SEMA5A: variants seen among roughly 807,000 people sequenced by gnomAD.
SEMA5A encodes semaphorin 5A, also known as semaphorin-5A.
In SEMA5A, 55 loss-of-function variants were observed where a neutral mutation model predicts 135.5. The ratio of observed to expected loss-of-function variants is 0.41; its 90% CI spans 0.33 to 0.51. SEMA5A has a LOEUF of 0.51. SEMA5A is among the 20% of genes least tolerant of loss of function. The probability of loss-of-function intolerance (pLI) is 0.37; values close to 1 mark genes in which losing one functional copy is unlikely to be tolerated. For missense variants in SEMA5A, 1,290 were observed against 1,419.9 expected (o/e 0.91, Z 1.47); for synonymous variants, 580 against 546.5 (o/e 1.06, Z -0.85).
At chr5:9,048,694 T>C (rs1262169969) in intron 21 of SEMA5A, among the ~76,000 whole-genome samples, 1 of 152,242 alleles carries the variant, frequency 6.6e-6, no homozygotes, top group Admixed American at 6.5e-5. Context: ...CATGAAGAAC[T>C]GTAGACCCTT....
chr5:9,542,034 T>G (rs1394611031), intron 1 of SEMA5A, among the ~76,000 whole-genome samples: 1 of 152,268 alleles, frequency 6.6e-6, no homozygotes, highest in African/African-American at 2.4e-5. Context: ...TTGAAAAGTT[T>G]ATGTATATTC....
chr5:9,232,622 C>A (rs778387338), intron 6 of SEMA5A, among the ~76,000 whole-genome samples: 7 of 152,010 alleles, frequency 4.6e-5, no homozygotes, highest in African/African-American at 1.7e-4. Flanking sequence ...ACATATATTA[C>A]GTGCTATGTA....
At chr5:9,372,323 T>A (rs1428656507) in intron 3 of SEMA5A, among the ~76,000 whole-genome samples, 1 of 152,192 alleles carries the variant, frequency 6.6e-6, no homozygotes, top group African/African-American at 2.4e-5. Context: ...CAGAGCATCA[T>A]GAGACACGCA....
chr5:9,151,533 T>A (rs1742634377), intron 12 of SEMA5A, among the ~76,000 whole-genome samples: 1 of 152,216 alleles, frequency 6.6e-6, no homozygotes, highest in Non-Finnish European at 1.5e-5. Flanking sequence ...TTTTTCCTTA[T>A]AATTTATAAA....
At chr5:9,165,507 G>A (rs967573303) in intron 11 of SEMA5A, among the ~76,000 whole-genome samples, 6 of 152,178 alleles carry the variant, frequency 3.9e-5, no homozygotes, top group African/African-American at 1.4e-4. Flanking sequence ...AGGAAGACAA[G>A]TGGCACCCCT....
At chr5:9,514,088 A>T (rs1438328213) in intron 1 of SEMA5A, among the ~76,000 whole-genome samples, 2 of 152,134 alleles carry the variant, frequency 1.3e-5, no homozygotes, top group African/African-American at 4.8e-5. Context: ...TCCAGCTTCT[A>T]GAGCTGCTTG....
chr5:9,038,396 C>A lies in SEMA5A; in HGVS notation c.*4501G>T, dbSNP rs1735767450. ...AGAAATGCTGAGGTCAATGGAGTTA[C>A]CCCCAATGACACACACAAGAAAACC... On this transcript the variant is annotated 3_prime_UTR_variant, in exon 23 of 23. Transcript: ENST00000382496. 6.6e-6 allele frequency: 1 copy of A among 152,084 alleles called. No homozygotes were observed. Among genetic ancestry groups the A allele is most frequent in the Non-Finnish European group, 1.5e-5 (1 of 68,020 alleles). The allele number at this position is 152,084 out of a possible 1,614,324, so 9.4% of individuals were successfully genotyped here. A position where few individuals can be genotyped will look rare whatever the true frequency, so the allele number is the denominator to read the frequency against.
intron 16 of SEMA5A, among the ~76,000 whole-genome samples, chr5:9,083,787 G>C (rs145400825): frequency 6.6e-6 from 1 of 152,286 alleles, no homozygotes; most frequent in East Asian, 1.9e-4. Flanking sequence ...CTTATGAAAG[G>C]AGTTAAGATG....
chr5:9,200,666 C>T (rs1018748279), intron 9 of SEMA5A, among the ~76,000 whole-genome samples: 2 of 152,148 alleles, frequency 1.3e-5, no homozygotes, highest in South Asian at 2.1e-4. Context: ...TTTTTCTAAC[C>T]TCATGTCAGA....
At chr5:9,532,803 C>CT (rs35558592) in intron 1 of SEMA5A, among the ~76,000 whole-genome samples, 4 of 152,166 alleles carry the variant, frequency 2.6e-5, no homozygotes, top group African/African-American at 9.7e-5. Context: ...TCCTTTGACA[C>CT]TTTTTTCATG....
intron 3 of SEMA5A, among the ~76,000 whole-genome samples, chr5:9,358,570 CGCT>C (rs1448865905): frequency 6.6e-6 from 1 of 152,190 alleles, no homozygotes; most frequent in Non-Finnish European, 1.5e-5. Context: ...ATGGCAGGTG[CGCT>C]GCTATGTCCT....
chr5:9,119,035 C>T lies in SEMA5A; in HGVS notation c.1888G>A (p.Gly630Arg), dbSNP rs764755048. 6.2e-7 allele frequency: 1 copy of T among 1,613,598 alleles called. No homozygotes were observed. The highest frequency in any genetic ancestry group is 1.7e-5 in the Admixed American group (1 of 59,984). Reference protein sequence around the residue: ...RSCSNPTPRHGGRVCVGQNRE... With the variant: ...RSCSNPTPRHRGRVCVGQNRE... The stretch of plus-strand genomic sequence containing the variant: ...TTCTGTCCCACGCACACCCGGCCCC[C>T]GTGCCTGGGAGTGGGGTTGCTGCAG... The change falls in exon 15 of 23, where the codon GGG becomes AGG. Residue 630 changes from glycine to arginine, a missense_variant. Transcript: ENST00000382496.
chr5:9,077,084 T>C (rs1554024571), intron 16 of SEMA5A, among the ~76,000 whole-genome samples: 1 of 152,186 alleles, frequency 6.6e-6, no homozygotes, highest in Non-Finnish European at 1.5e-5. Flanking sequence ...TTAGGAGAAC[T>C]TGGCTTCCAG....
intron 1 of SEMA5A, among the ~76,000 whole-genome samples, chr5:9,530,478 G>A (rs1737377560): frequency 1.3e-5 from 2 of 152,026 alleles, no homozygotes; most frequent in South Asian, 4.2e-4. Context: ...ATAATAAAAT[G>A]TTCTTTTTTT....
At chr5:9,390,561 T>G (rs1438703212) in intron 2 of SEMA5A, among the ~76,000 whole-genome samples, 1 of 152,220 alleles carries the variant, frequency 6.6e-6, no homozygotes, top group Non-Finnish European at 1.5e-5. Context: ...GATCTGATGT[T>G]TTCAGATTTT....
intron 15 of SEMA5A, among the ~76,000 whole-genome samples, chr5:9,111,379 G>A (rs1740229653): frequency 6.6e-6 from 1 of 152,146 alleles, no homozygotes; most frequent in Admixed American, 6.6e-5. Flanking sequence ...CACAGCAACT[G>A]AGCTACCATT....
intron 2 of SEMA5A, among the ~76,000 whole-genome samples, chr5:9,392,388 A>G (rs1756200223): frequency 6.6e-6 from 1 of 152,218 alleles, no homozygotes; most frequent in African/African-American, 2.4e-5. Flanking sequence ...TGTACATCTT[A>G]GGTATATACA....
chr5:9,052,968 G>A (rs965637919), intron 19 of SEMA5A, among the ~76,000 whole-genome samples: 1 of 152,196 alleles, frequency 6.6e-6, no homozygotes, highest in Non-Finnish European at 1.5e-5. Flanking sequence ...TCCAGTTAAA[G>A]GGTAAAATGT....
chr5:9,391,675 C>T (rs776356886), intron 2 of SEMA5A, among the ~76,000 whole-genome samples: 1 of 152,194 alleles, frequency 6.6e-6, no homozygotes, highest in Non-Finnish European at 1.5e-5. Context: ...ACTGCAATCC[C>T]ACCTCAAGCA....
Sources: allele counts gnomAD v4.1 joint callset (sites outside exome capture counted in the v4.1 genomes callset), GRCh38; gene constraint gnomAD v4.1.1; transcripts MANE v1.5; gene names NCBI Gene and HGNC (gene_info 2026-07-23, HGNC 2026-07-21).